Variants in CACNB4 observed in about 807,000 individuals in gnomAD.
CACNB4 encodes the protein calcium voltage-gated channel auxiliary subunit beta 4.
CACNB4 carries 32 observed loss-of-function variants against 71.2 expected under a neutral mutation model. That is an observed-to-expected ratio of 0.45 (90% CI 0.34 to 0.60). The LOEUF (loss-of-function observed/expected upper bound fraction) is 0.60. Among genes scored for constraint, CACNB4 ranks in the 20% least tolerant of loss-of-function variants. CACNB4 has a pLI of 0.01. For missense variants in CACNB4, 464 were observed against 647.9 expected, an observed-to-expected ratio of 0.72 and a Z score of 3.08; for synonymous variants, 231 against 236.9, an observed-to-expected ratio of 0.97 and a Z score of 0.23.
intron 2 of CACNB4, among the ~76,000 whole-genome samples, chr2:152,035,579 C>T (rs1371890263): frequency 6.7e-6 from 1 of 149,668 alleles, no homozygotes; most frequent in Non-Finnish European, 1.5e-5. Context: ...TTCTCTCTCT[C>T]TCTCTCTCCC....
chr2:152,056,393 G>T (rs1685732177), intron 2 of CACNB4, among the ~76,000 whole-genome samples: 1 of 151,510 alleles, frequency 6.6e-6, no homozygotes, highest in African/African-American at 2.4e-5. Context: ...GAAATTTTCA[G>T]AAATATCGTG....
chr2:151,915,381 C>A (rs769724648), intron 2 of CACNB4, among the ~76,000 whole-genome samples: 1 of 152,200 alleles, frequency 6.6e-6, no homozygotes, highest in Admixed American at 6.5e-5. Flanking sequence ...GCCCTTCCCC[C>A]GCCCAGGGAG....
intron 3 of CACNB4, among the ~76,000 whole-genome samples, chr2:151,881,803 C>T (rs1215689347): frequency 6.6e-6 from 1 of 152,148 alleles, no homozygotes; most frequent in Non-Finnish European, 1.5e-5. Flanking sequence ...AAGCCCCTTC[C>T]ACCAACAGAG....
At chr2:151,970,358 G>GT (rs1166873314) in intron 2 of CACNB4, 1 of 152,146 alleles carries the variant, frequency 6.6e-6, no homozygotes, top group African/African-American at 2.4e-5. Context: ...TGGGTGGTAG[G>GT]TTTTTGGTAA....
At chr2:152,066,110 T>C (rs1358236977) in intron 2 of CACNB4, among the ~76,000 whole-genome samples, 3 of 152,146 alleles carry the variant, frequency 2.0e-5, no homozygotes, top group African/African-American at 7.2e-5. Flanking sequence ...CCCCACATCT[T>C]ACTCCAGCCT....
At chr2:151,981,287 C>A (rs1264270121) in intron 2 of CACNB4, among the ~76,000 whole-genome samples, 6 of 152,184 alleles carry the variant, frequency 3.9e-5, no homozygotes, top group Non-Finnish European at 8.8e-5. Flanking sequence ...AGGAACTGAA[C>A]AGCAAACATG....
At chr2:152,029,507 AAAAAGAAAAG>A (rs70974818) in intron 2 of CACNB4, among the ~76,000 whole-genome samples, 38 of 104,764 alleles carry the variant, frequency 3.6e-4, no homozygotes, top group South Asian at 1.8e-3. Context: ...AAAAAAAAAA[AAAAAGAAAAG>A]AAAAGAAAAG....
chr2:151,839,278 C>G lies in CACNB4; in HGVS notation c.1404G>C (p.Arg468=), dbSNP rs757244766. Residue 468 remains arginine, a synonymous_variant, in exon 14 of 14, where the codon CGG becomes CGC. Transcript: ENST00000539935. ...SDENYHNERA[R]KSRNRLSSSS... ...TGGAAGACAAGCGGTTCCTACTCTT[C>G]CGAGCCCTTTCATTGTGATAATTTT... The G allele has an allele frequency of 6.2e-7, 1 of 1,613,750 alleles. No individual in the cohort carries two copies. Among genetic ancestry groups the G allele is most frequent in the Non-Finnish European group, 8.5e-7 (1 of 1,179,716 alleles).
intron 2 of CACNB4, among the ~76,000 whole-genome samples, chr2:152,029,507 A>AAAAAAGAAAAG (rs1553815872): frequency 5.7e-5 from 6 of 104,764 alleles, no homozygotes; most frequent in East Asian, 5.1e-4. Context: ...AAAAAAAAAA[A>AAAAAAGAAAAG]AAAAGAAAAG....
intron 2 of CACNB4, among the ~76,000 whole-genome samples, chr2:152,047,344 G>A (rs1189104403): frequency 1.3e-5 from 2 of 152,190 alleles, no homozygotes; most frequent in Non-Finnish European, 2.9e-5. Flanking sequence ...TTCTTCCTGA[G>A]GGGCCTAGAG....
rs570662410 is a variant in CACNB4, at chr2:152,011,381, C to T, written c.147+86949G>A. Among the ~76,000 whole-genome samples, 4 of 152,232 alleles carry T rather than the reference C, an allele frequency of 2.6e-5. No individual in the cohort carries two copies. In the East Asian group the frequency reaches 7.7e-4, roughly 29 times the overall value. ...CATGTTTTCCACTCTGGGCTCGAAC[C>T]CAAGCTGGGGTCTTGAACATTCCCA... is the stretch of plus-strand genomic sequence containing the variant. On this transcript the variant is annotated intron_variant, in intron 2 of 13. Coordinates refer to ENST00000539935, the MANE Select transcript of CACNB4 (RefSeq NM_000726.5).
At chr2:151,985,001 G>C (rs1681257298) in intron 2 of CACNB4, among the ~76,000 whole-genome samples, 1 of 152,078 alleles carries the variant, frequency 6.6e-6, no homozygotes, top group African/African-American at 2.4e-5. Context: ...CAATTTATGA[G>C]ATCTTCCACA....
intron 2 of CACNB4, among the ~76,000 whole-genome samples, chr2:151,917,468 T>C (rs2099857816): frequency 1.3e-5 from 2 of 152,112 alleles, no homozygotes. Context: ...CATAAAGAGC[T>C]CCGCACAGGG....
intron 2 of CACNB4, among the ~76,000 whole-genome samples, chr2:151,895,600 A>T (rs1350503256): frequency 2.6e-5 from 4 of 152,108 alleles, no homozygotes; most frequent in African/African-American, 4.8e-5. Context: ...TACCTTCGGA[A>T]TTTTTAAAAA....
intron 2 of CACNB4, among the ~76,000 whole-genome samples, chr2:152,085,434 A>G (rs181814702): frequency 1.6e-4 from 24 of 152,268 alleles, no homozygotes; most frequent in African/African-American, 5.3e-4. Context: ...GTTAACCCAA[A>G]TCATCTTGGA....
chr2:152,042,543 C>T (rs7582231), intron 2 of CACNB4, among the ~76,000 whole-genome samples: 64,934 of 151,902 alleles, frequency 0.43, 16,109 homozygotes, highest in Non-Finnish European at 0.57. Context: ...CCCAAATCAC[C>T]GGCTAAATGT....
chr2:152,007,771 G>C (rs1045022933), intron 2 of CACNB4, among the ~76,000 whole-genome samples: 1 of 145,066 alleles, frequency 6.9e-6, no homozygotes, highest in Non-Finnish European at 1.5e-5. Flanking sequence ...GTAATTCTAC[G>C]TAATTTTTTT....
intron 2 of CACNB4, among the ~76,000 whole-genome samples, chr2:152,083,783 T>C (rs1349943078): frequency 1.3e-5 from 2 of 152,210 alleles, no homozygotes; most frequent in African/African-American, 4.8e-5. Flanking sequence ...CCAAGTTTGA[T>C]CCTCATCCAC....
At chr2:151,963,926 G>A (rs938517470) in intron 2 of CACNB4, among the ~76,000 whole-genome samples, 4 of 152,034 alleles carry the variant, frequency 2.6e-5, no homozygotes, top group African/African-American at 9.7e-5. Context: ...AAAATTAGCT[G>A]GGCATGGTGG....
Sources: gnomAD v4.1 joint callset for allele counts (sites outside exome capture counted in the v4.1 genomes callset) on GRCh38, gnomAD v4.1.1 for gene constraint, MANE v1.5 for transcripts, NCBI Gene and HGNC (gene_info 2026-07-23, HGNC 2026-07-21) for gene names.